The following PEX5L variants were observed in gnomAD, a reference collection of about 807,000 sequenced individuals.
The protein encoded by PEX5L is PEX5-related protein.
A neutral mutation model predicts 84.0 loss-of-function variants in PEX5L; 30 were observed. That is an observed-to-expected ratio of 0.36 (90% CI 0.27 to 0.48). The LOEUF (loss-of-function observed/expected upper bound fraction) is 0.48, where lower values mean the gene tolerates loss of function less well. Among genes scored for constraint, PEX5L ranks in the 20% least tolerant of loss-of-function variants. PEX5L has a pLI of 0.99. For missense variants in PEX5L, 533 were observed against 754.6 expected (o/e 0.71, Z 3.44); for synonymous variants, 270 against 283.1 (o/e 0.95, Z 0.46).
At chr3:179,969,811 C>T (rs185254360) in intron 2 of PEX5L, among the ~76,000 whole-genome samples, 41 of 152,218 alleles carry the variant, frequency 2.7e-4, no homozygotes, top group African/African-American at 6.5e-4. Flanking sequence ...AGGCAAACAG[C>T]GACTCTGAGA....
chr3:179,946,553 G>A (rs552812730), intron 2 of PEX5L, among the ~76,000 whole-genome samples: 1 of 152,246 alleles, frequency 6.6e-6, no homozygotes, highest in South Asian at 2.1e-4. Context: ...AAAGTGAGAA[G>A]ATAAAACAAC....
At chr3:179,867,857 T>A (rs1490993370) in intron 7 of PEX5L, among the ~76,000 whole-genome samples, 1 of 152,100 alleles carries the variant, frequency 6.6e-6, no homozygotes, top group Non-Finnish European at 1.5e-5. Flanking sequence ...TGGAATAAAG[T>A]GATACACATT....
At chr3:179,930,044 C>T (rs1037713703) in intron 2 of PEX5L, among the ~76,000 whole-genome samples, 14 of 152,060 alleles carry the variant, frequency 9.2e-5, no homozygotes, top group African/African-American at 2.9e-4. Flanking sequence ...GGTTCCTGGA[C>T]CAGAAGCATC....
intron 3 of PEX5L, among the ~76,000 whole-genome samples, chr3:179,894,387 C>G (rs1056339628): frequency 1.1e-4 from 16 of 152,056 alleles, no homozygotes; most frequent in African/African-American, 3.9e-4. Flanking sequence ...TGCCCCACCC[C>G]CCACTTCCTA....
rs535783561 is a variant in PEX5L, at chr3:179,988,629, A to G, written c.22-16964T>C. ...CCAAGTCTCCATTCTAATGCAACAA[A>G]TAAAAGTAGTTGAAATTGGATGTGT... On this transcript the variant is annotated intron_variant, in intron 1 of 14. Transcript: ENST00000467460. Among the ~76,000 whole-genome samples, 5 of 152,308 alleles carry G rather than the reference A, an allele frequency of 3.3e-5. No homozygotes were observed. In the South Asian group the frequency reaches 1.0e-3, roughly 32 times the overall value.
intron 4 of PEX5L, among the ~76,000 whole-genome samples, chr3:179,885,184 C>T (rs375910075): frequency 1.4e-4 from 21 of 151,996 alleles, no homozygotes; most frequent in African/African-American, 4.8e-4. Context: ...TTCCAGACCC[C>T]CTACGTTGGA....
intron 10 of PEX5L, among the ~76,000 whole-genome samples, chr3:179,813,342 A>C (rs1383531248): frequency 1.3e-5 from 2 of 152,206 alleles, no homozygotes; most frequent in Non-Finnish European, 2.9e-5. Flanking sequence ...GTCCTTAAAA[A>C]AATCTTCCAG....
At chr3:179,980,272 C>T (rs1280074045) in intron 1 of PEX5L, among the ~76,000 whole-genome samples, 3 of 152,064 alleles carry the variant, frequency 2.0e-5, no homozygotes, top group Admixed American at 6.5e-5. Context: ...GGCTTATAAT[C>T]AGCATTTCTA....
chr3:179,887,830 A>G, intron 3 of PEX5L, 46 bp from the exon 4 acceptor site: 1 of 1,253,592 alleles, frequency 8.0e-7, no homozygotes, highest in Non-Finnish European at 1.2e-6. Flanking sequence ...GTTAAACTGC[A>G]GAGTCAGATG....
In PEX5L at chr3:179,800,676, G is replaced by A. The variant is rs1718601483; in HGVS notation, c.*1152C>T. The A allele has an allele frequency of 6.6e-6, 1 of 152,164 alleles. No homozygotes were observed. 9.4% of individuals were successfully genotyped at this position (152,164 alleles called of 1,614,324 possible). A position where few individuals can be genotyped will look rare whatever the true frequency, so the allele number is the denominator to read the frequency against. On this transcript the variant is annotated 3_prime_UTR_variant, in exon 15 of 15. Transcript: ENST00000467460. ...GCATTCAGTGAGATTTGGTTTGAAA[G>A]TGTTGCTCTTCTATCACTTAGAATG...
At chr3:179,819,808 T>C in intron 9 of PEX5L, 52 bp downstream of exon 9, 20 of 1,485,318 alleles carry the variant, frequency 1.3e-5, no homozygotes, top group Non-Finnish European at 1.9e-5. Context: ...TAAAATATGA[T>C]CCAAAAAGGT....
chr3:179,807,655 G>A lies in PEX5L; in HGVS notation c.1676+19C>T, dbSNP rs1560165331. On this transcript the variant is annotated intron_variant, in intron 14 of 14. Transcript: ENST00000467460. ...GTCCTGGGCATGGCCTTCATCCTTG[G>A]CCTGTTGCTGTACTTCACCTGTAGG... The A allele has an allele frequency of 6.2e-7, 1 of 1,610,896 alleles. No individual in the cohort carries two copies. The highest frequency in any genetic ancestry group is 1.7e-5 in the Admixed American group (1 of 59,956).
At chr3:179,990,939 GT>G (rs1300413352) in intron 1 of PEX5L, among the ~76,000 whole-genome samples, 1 of 152,118 alleles carries the variant, frequency 6.6e-6, no homozygotes, top group Non-Finnish European at 1.5e-5. Flanking sequence ...ATTAAAACCT[GT>G]TTATATAATT....
At chr3:179,925,330 G>T (rs1331405013) in intron 2 of PEX5L, among the ~76,000 whole-genome samples, 1 of 150,318 alleles carries the variant, frequency 6.7e-6, no homozygotes, top group Non-Finnish European at 1.5e-5. Flanking sequence ...CGTCCATCAT[G>T]CCCTATCCAT....
chr3:180,014,627 C>T (rs894576558), intron 1 of PEX5L, among the ~76,000 whole-genome samples: 2 of 151,796 alleles, frequency 1.3e-5, no homozygotes, highest in Non-Finnish European at 2.9e-5. Flanking sequence ...CAAAATAAAC[C>T]ACGGAAAGTA....
At chr3:179,993,900 G>A (rs980158165) in intron 1 of PEX5L, among the ~76,000 whole-genome samples, 1 of 152,144 alleles carries the variant, frequency 6.6e-6, no homozygotes, top group African/African-American at 2.4e-5. Context: ...GTCTGTACAT[G>A]TTCAATGCAC....
At chr3:179,868,956 A>G (rs1749339706) in intron 7 of PEX5L, among the ~76,000 whole-genome samples, 1 of 151,188 alleles carries the variant, frequency 6.6e-6, no homozygotes, top group African/African-American at 2.4e-5. Flanking sequence ...TCTCCCATTA[A>G]TCAATCTGCC....
chr3:179,943,260 T>C (rs1776649084), intron 2 of PEX5L, among the ~76,000 whole-genome samples: 3 of 152,264 alleles, frequency 2.0e-5, no homozygotes, highest in South Asian at 4.1e-4. Context: ...ATGCCCTGTA[T>C]GGCCAGCAGC....
At chr3:179,862,728 G>C (rs1490552405) in intron 7 of PEX5L, among the ~76,000 whole-genome samples, 2 of 152,158 alleles carry the variant, frequency 1.3e-5, no homozygotes, top group Non-Finnish European at 2.9e-5. Flanking sequence ...ATCATGAATT[G>C]AAAGGATTAA....
Sources: gnomAD v4.1 joint callset for allele counts (sites outside exome capture counted in the v4.1 genomes callset) on GRCh38, gnomAD v4.1.1 for gene constraint, MANE v1.5 for transcripts, NCBI Gene and HGNC (gene_info 2026-07-23, HGNC 2026-07-21) for gene names.